CCDC3: variants seen among roughly 807,000 people sequenced by gnomAD.
CCDC3 encodes the protein coiled-coil domain-containing protein 3.
CCDC3 carries 24 observed loss-of-function variants against 21.4 expected under a neutral mutation model. That is an observed-to-expected ratio of 1.12 (90% CI 0.81 to 1.58). The LOEUF (loss-of-function observed/expected upper bound fraction) is 1.58. CCDC3 is among the 40% of genes most tolerant of loss of function. The probability of loss-of-function intolerance (pLI) is 0.00; values close to 1 mark genes in which losing one functional copy is unlikely to be tolerated. For missense variants in CCDC3, 425 were observed against 360.9 expected, an observed-to-expected ratio of 1.18 and a Z score of -1.44; for synonymous variants, 186 against 166.0, an observed-to-expected ratio of 1.12 and a Z score of -0.93.
chr10:13,097,139 C>A (rs1269970678), intron 3 of CCDC3, among the ~76,000 whole-genome samples: 1 of 152,168 alleles, frequency 6.6e-6, no homozygotes, highest in African/African-American at 2.4e-5. Context: ...TAAAAACCTT[C>A]CCACACTGCT....
chr10:12,969,614 A>G (rs556808668), intron 2 of CCDC3, among the ~76,000 whole-genome samples: 2 of 151,248 alleles, frequency 1.3e-5, no homozygotes, highest in African/African-American at 4.8e-5. Context: ...TGACAGATGA[A>G]TGGATAAAAA....
chr10:13,040,398 G>C (rs555604885), intron 5 of CCDC3, among the ~76,000 whole-genome samples: 3 of 152,304 alleles, frequency 2.0e-5, no homozygotes, highest in East Asian at 1.9e-4. Context: ...AGCAACGTGA[G>C]TCATCCGCAA....
intron 2 of CCDC3, among the ~76,000 whole-genome samples, chr10:12,908,703 C>T (rs887884245): frequency 6.7e-6 from 1 of 150,218 alleles, no homozygotes; most frequent in Non-Finnish European, 1.5e-5. Context: ...AGCAATTCTC[C>T]TGCCTCAGCC....
At chr10:13,011,185 G>GAA (rs1201426446) in intron 5 of CCDC3, among the ~76,000 whole-genome samples, 1,767 of 138,072 alleles carry the variant, frequency 0.013, 33 homozygotes, top group African/African-American at 0.039. Context: ...TGTCTCAGAA[G>GAA]AAAAAAAAAA....
rs74819755 is a variant in CCDC3 at position 12,913,148 on chromosome 10, G to A, written c.550-14469C>T. The stretch of plus-strand genomic sequence containing the variant: ...AAAAATTCCATTAAGGTTTTTGATG[G>A]GGATTGCATTGAATCTGTAGATCAC... On this transcript the variant is annotated intron_variant, in intron 2 of 2. Transcript: ENST00000378825. Among the ~76,000 whole-genome samples the A allele has an allele frequency of 1.3e-3, 193 of 152,174 alleles. 3 individuals carry two copies. In the East Asian group the frequency reaches 0.026, roughly 20 times the overall value.
intron 3 of CCDC3, among the ~76,000 whole-genome samples, chr10:13,075,683 A>G (rs12359922): frequency 0.16 from 23,805 of 152,150 alleles, 1,933 homozygotes; most frequent in East Asian, 0.23. Flanking sequence ...TGAGCCTTCA[A>G]TGCTCAATAT....
intron 5 of CCDC3, among the ~76,000 whole-genome samples, chr10:13,010,179 T>C (rs974748590): frequency 1.3e-5 from 2 of 151,464 alleles, no homozygotes; most frequent in Admixed American, 1.3e-4. Flanking sequence ...ACCTGGGAGG[T>C]AGAGTTTGGA....
chr10:12,912,939 C>A (rs541989506), intron 2 of CCDC3, among the ~76,000 whole-genome samples: 6 of 152,160 alleles, frequency 3.9e-5, no homozygotes, highest in Non-Finnish European at 8.8e-5. Context: ...TATTTCTTGG[C>A]GCTCTATTCT....
At chr10:13,043,705 G>A (rs776376756) in intron 5 of CCDC3, among the ~76,000 whole-genome samples, 9 of 152,168 alleles carry the variant, frequency 5.9e-5, no homozygotes, top group Non-Finnish European at 1.0e-4. Context: ...TCCTGGCTGC[G>A]TAGTATTCCC....
At chr10:13,000,613 C>G (rs973691652) in intron 1 of CCDC3, among the ~76,000 whole-genome samples, 3 of 152,154 alleles carry the variant, frequency 2.0e-5, no homozygotes, top group African/African-American at 4.8e-5. Flanking sequence ...ACATTCCACA[C>G]CATTCACATC....
chr10:12,966,278 G>GGTGCTCAGTTACCAGCCTTACTCATATT (rs1385201578), intron 2 of CCDC3, among the ~76,000 whole-genome samples: 7 of 151,790 alleles, frequency 4.6e-5, no homozygotes, highest in South Asian at 2.1e-4. Context: ...ATTACTATAT[G>GGTGCTCAGTTACCAGCCTTACTCATATT]AGCAAGGTTG....
intron 3 of CCDC3, among the ~76,000 whole-genome samples, chr10:13,082,501 G>A (rs1256386673): frequency 6.6e-6 from 1 of 152,232 alleles, no homozygotes; most frequent in Admixed American, 6.5e-5. Context: ...TTAGGCCTCT[G>A]GATGGCTGCG....
chr10:12,959,491 A>G (rs1032315027), intron 2 of CCDC3, among the ~76,000 whole-genome samples: 6 of 152,146 alleles, frequency 3.9e-5, no homozygotes, highest in Non-Finnish European at 4.4e-5. Flanking sequence ...GTTTAGAAAT[A>G]TACTTCATGA....
chr10:12,906,710 A>G (rs1340641050), intron 2 of CCDC3, among the ~76,000 whole-genome samples: 1 of 152,106 alleles, frequency 6.6e-6, no homozygotes, highest in Non-Finnish European at 1.5e-5. Context: ...TCATGTATAC[A>G]ATGGGCCTAA....
At chr10:12,940,054 T>C (rs1834796616) in intron 2 of CCDC3, among the ~76,000 whole-genome samples, 1 of 152,172 alleles carries the variant, frequency 6.6e-6, no homozygotes, top group African/African-American at 2.4e-5. Flanking sequence ...TGTTAATATA[T>C]CTGACCTAAA....
intron 5 of CCDC3, among the ~76,000 whole-genome samples, chr10:13,043,822 T>C (rs1406727853): frequency 6.6e-6 from 1 of 152,150 alleles, no homozygotes; most frequent in Non-Finnish European, 1.5e-5. Context: ...AACATATGAT[T>C]GCAGGTAACT....
intron 1 of CCDC3, 59 bp from the exon 2 acceptor site, chr10:12,998,571 A>C: frequency 2.6e-6 from 4 of 1,523,498 alleles, no homozygotes; most frequent in African/African-American, 1.4e-5. Context: ...TACCAGCTCC[A>C]ATCCAGAGTC....
At chr10:12,971,119 C>T (rs1054104282) in intron 2 of CCDC3, among the ~76,000 whole-genome samples, 1 of 152,198 alleles carries the variant, frequency 6.6e-6, no homozygotes, top group African/African-American at 2.4e-5. Flanking sequence ...AGATCCCAAG[C>T]TGTCCACTGT....
intron 5 of CCDC3, among the ~76,000 whole-genome samples, chr10:13,019,147 C>T (rs1238829463): frequency 1.3e-5 from 2 of 151,834 alleles, no homozygotes; most frequent in Admixed American, 6.6e-5. Flanking sequence ...GGCAGGAGAA[C>T]GGCATGAACC....
Sources: allele counts gnomAD v4.1 joint callset (sites outside exome capture counted in the v4.1 genomes callset), GRCh38; gene constraint gnomAD v4.1.1; transcripts MANE v1.5; gene names NCBI Gene and HGNC (gene_info 2026-07-23, HGNC 2026-07-21).